Variants in DYM observed in about 807,000 individuals in gnomAD.
The protein encoded by DYM is dyggve-Melchior-Clausen syndrome protein.
In DYM, 78 loss-of-function variants were observed where a neutral mutation model predicts 93.1. The ratio of observed to expected loss-of-function variants is 0.84; its 90% confidence interval spans 0.70 to 1.01. The LOEUF (loss-of-function observed/expected upper bound fraction) is 1.01. DYM is among the 50% of genes least tolerant of loss of function. The probability of loss-of-function intolerance (pLI) is 0.00; values close to 1 mark genes in which losing one functional copy is unlikely to be tolerated. For synonymous variants in DYM, 321 were observed against 319.7 expected, an observed-to-expected ratio of 1.00 and a Z score of -0.04; for missense variants, 789 against 845.0, an observed-to-expected ratio of 0.93 and a Z score of 0.82.
chr18:49,059,081 G>A (rs1048220597), intron 17 of DYM, among the ~76,000 whole-genome samples: 6 of 152,126 alleles, frequency 3.9e-5, no homozygotes, highest in African/African-American at 9.7e-5. Context: ...AAGTGCATAC[G>A]AAACACTTTC....
At chr18:49,398,152 C>CT (rs555928966) in intron 2 of DYM, among the ~76,000 whole-genome samples, 13 of 152,166 alleles carry the variant, frequency 8.5e-5, no homozygotes, top group Non-Finnish European at 1.8e-4. Flanking sequence ...CTAGGACTGA[C>CT]TTTTTTTAAC....
chr18:49,404,832 A>G (rs2071272257), intron 2 of DYM, among the ~76,000 whole-genome samples: 1 of 152,024 alleles, frequency 6.6e-6, no homozygotes, highest in Admixed American at 6.6e-5. Flanking sequence ...AGCCTGACCA[A>G]TGTGGTGAAA....
At chr18:49,417,129 T>A (rs544606563) in intron 2 of DYM, among the ~76,000 whole-genome samples, 9 of 152,244 alleles carry the variant, frequency 5.9e-5, no homozygotes, top group African/African-American at 1.7e-4. Context: ...CCCATATGTA[T>A]AAGGTGGTAG....
chr18:49,060,943 C>T (rs1036686630), intron 17 of DYM, among the ~76,000 whole-genome samples: 2 of 152,020 alleles, frequency 1.3e-5, no homozygotes, highest in African/African-American at 4.8e-5. Context: ...TTTGAACCAT[C>T]CCTTTCTGAG....
chr18:49,119,248 G>T (rs1056714711), intron 15 of DYM, among the ~76,000 whole-genome samples: 1 of 152,102 alleles, frequency 6.6e-6, no homozygotes, highest in Non-Finnish European at 1.5e-5. Flanking sequence ...TCTCATTATC[G>T]TATTACCCTA....
intron 17 of DYM, among the ~76,000 whole-genome samples, chr18:49,067,331 T>C (rs2076516096): frequency 2.3e-5 from 3 of 132,130 alleles, no homozygotes; most frequent in African/African-American, 3.0e-5. Flanking sequence ...GGGTGATGTG[T>C]TATGGAGATT....
chr18:49,124,348 T>A (rs2082632047), intron 15 of DYM, among the ~76,000 whole-genome samples: 2 of 151,630 alleles, frequency 1.3e-5, no homozygotes, highest in Non-Finnish European at 1.5e-5. Context: ...TATAAAAAAC[T>A]TAAAAATTAG....
At chr18:49,298,625 T>C (rs1317692442) in intron 8 of DYM, among the ~76,000 whole-genome samples, 4 of 151,646 alleles carry the variant, frequency 2.6e-5, no homozygotes, top group East Asian at 1.9e-4. Context: ...TGACTTATAA[T>C]CTGGCATAAT....
chr18:49,350,874 T>A (rs2065060977), intron 6 of DYM, among the ~76,000 whole-genome samples: 1 of 152,096 alleles, frequency 6.6e-6, no homozygotes, highest in Non-Finnish European at 1.5e-5. Flanking sequence ...TGCACACATA[T>A]TACCTATTAA....
chr18:49,294,088 CTTGT>C (rs1485054150), intron 8 of DYM, among the ~76,000 whole-genome samples: 8 of 152,152 alleles, frequency 5.3e-5, no homozygotes. Flanking sequence ...TTCCCTGTTG[CTTGT>C]TTGTGTCAGG....
intron 17 of DYM, among the ~76,000 whole-genome samples, chr18:49,053,337 C>T (rs1403774952): frequency 3.3e-5 from 5 of 152,148 alleles, no homozygotes; most frequent in Non-Finnish European, 7.3e-5. Flanking sequence ...TTTATTACCA[C>T]GAAAGTTGAA....
intron 1 of DYM, chr18:49,432,062 A>G (rs2080363941): frequency 6.6e-6 from 1 of 152,252 alleles, no homozygotes; most frequent in African/African-American, 2.4e-5. Flanking sequence ...AAGCCCAATT[A>G]GAAAATGCTA....
intron 1 of DYM, among the ~76,000 whole-genome samples, chr18:49,449,402 T>A (rs112532190): frequency 1.3e-5 from 2 of 152,102 alleles, no homozygotes; most frequent in South Asian, 2.1e-4. Context: ...CAATTCCCAA[T>A]AGGAAGAGAG....
At chr18:49,094,353 C>T (rs2079356561) in intron 17 of DYM, among the ~76,000 whole-genome samples, 2 of 152,178 alleles carry the variant, frequency 1.3e-5, no homozygotes, top group Admixed American at 1.3e-4. Flanking sequence ...ACAGTGAGAG[C>T]TTTGAGCTGC....
At chr18:49,373,134 A>G (rs2067196509) in intron 5 of DYM, among the ~76,000 whole-genome samples, 2 of 152,232 alleles carry the variant, frequency 1.3e-5, no homozygotes, top group South Asian at 4.1e-4. Flanking sequence ...TATTACAATA[A>G]AAATGATATT....
chr18:49,410,033 G>A (rs2072035798), intron 2 of DYM, among the ~76,000 whole-genome samples: 1 of 152,120 alleles, frequency 6.6e-6, no homozygotes, highest in Non-Finnish European at 1.5e-5. Context: ...TAACTCATCT[G>A]TCTCTTTCTT....
intron 13 of DYM, among the ~76,000 whole-genome samples, chr18:49,221,410 A>G (rs933409587): frequency 3.3e-5 from 5 of 152,092 alleles, no homozygotes; most frequent in African/African-American, 1.2e-4. Context: ...TACTGGGTAT[A>G]TACCCAAAGG....
In DYM at chr18:49,453,316, C is replaced by G. The variant is rs569412078; in HGVS notation, c.-54+7082G>C. On this transcript the variant is annotated intron_variant, in intron 1 of 17. Transcript: ENST00000675505. ...ATAAGGGAATAAAAGCAGGCTGCCC[C>G]AACCAGCAGTGGCAACCGGCTCAGG... Among the ~76,000 whole-genome samples, 8 of 152,250 alleles carry G rather than the reference C, an allele frequency of 5.3e-5. No homozygotes were observed. The East Asian group carries it at 1.4e-3, about 26-fold the overall frequency.
At chr18:49,146,507 C>G (rs1396197613) in intron 15 of DYM, among the ~76,000 whole-genome samples, 15 of 152,188 alleles carry the variant, frequency 9.9e-5, no homozygotes, top group Non-Finnish European at 1.5e-5. Flanking sequence ...TCTCAGGTTA[C>G]AAAATCAATG....
Sources: gnomAD v4.1 joint callset for allele counts (sites outside exome capture counted in the v4.1 genomes callset) on GRCh38, gnomAD v4.1.1 for gene constraint, MANE v1.5 for transcripts, NCBI Gene and HGNC (gene_info 2026-07-23, HGNC 2026-07-21) for gene names.